The following MANF variants were observed in gnomAD, a reference collection of about 807,000 sequenced individuals.
MANF encodes mesencephalic astrocyte derived neurotrophic factor.
Under a neutral mutation model 19.1 loss-of-function variants are expected in MANF, and 9 were observed. That is an observed-to-expected ratio of 0.47 (90% CI 0.28 to 0.82). The LOEUF (loss-of-function observed/expected upper bound fraction) is 0.82. Among genes scored for constraint, MANF ranks in the 40% least tolerant of loss-of-function variants. The pLI, the probability that MANF is intolerant of heterozygous loss-of-function variation, is 0.10. For missense variants in MANF, 225 were observed against 226.7 expected (o/e 0.99, Z 0.05); for synonymous variants, 89 against 88.0 (o/e 1.01, Z -0.06).
chr3:51,389,112 TGA>T lies in MANF; in HGVS notation c.*25_*26del, dbSNP rs782535783. 3 of 1,593,082 alleles carry T rather than the reference TGA, an allele frequency of 1.9e-6. No homozygotes were observed. The highest frequency in any genetic ancestry group is 2.3e-5 in the South Asian group (2 of 86,606). The stretch of plus-strand genomic sequence containing the variant: ...TAGTCTGCTCAATCTCTGTTGCACC[TGA>T]GGGGGAAAAAACAGTTCAACTGCTT... On this transcript the variant is annotated 3_prime_UTR_variant, in exon 4 of 4. Transcript: ENST00000528157.
At chr3:51,385,992 C>T (rs1046266658) in intron 1 of MANF, 1 of 572,726 alleles carries the variant, frequency 1.7e-6, no homozygotes, top group Non-Finnish European at 3.1e-6. Context: ...TTGGGTGATG[C>T]TTGGTCCTTT....
In MANF at chr3:51,385,299, G is replaced by A; in HGVS notation, c.-44G>A. The stretch of plus-strand genomic sequence containing the variant: ...CGCGGCGGGTGCGGTTCAGTCGGTC[G>A]GCGGCGGCAGCGGAGGAGGAGGAGG... On this transcript the variant is annotated 5_prime_UTR_variant, in exon 1 of 4. Transcript: ENST00000528157. 2 of 1,183,416 alleles carry A rather than the reference G, an allele frequency of 1.7e-6. No individual in the cohort carries two copies. The highest frequency in any genetic ancestry group is 3.2e-5 in the East Asian group (1 of 31,446). The allele number at this position is 1,183,416 out of a possible 1,614,324, so 73.3% of individuals were successfully genotyped here.
Position 51,387,772 on chromosome 3 carries a change from C to G in MANF, c.258C>G (p.Thr86=). Residue 86 remains threonine (T), a synonymous_variant, in exon 3 of 4, where the codon ACC becomes ACG. Coordinates refer to ENST00000528157, the MANE Select transcript of MANF (RefSeq NM_006010.6). ...YYIGATDDAA[T]KIINEVSKPL... is the part of the protein sequence containing the mutation. The stretch of plus-strand genomic sequence containing the variant: ...TCGGGGCCACAGATGATGCAGCCAC[C>G]AAAATCATCAATGAGGTATCAAAGC... The G allele has an allele frequency of 6.2e-7, 1 of 1,612,650 alleles. No individual in the cohort carries two copies. Among genetic ancestry groups the G allele is most frequent in the Non-Finnish European group, 8.5e-7 (1 of 1,179,230 alleles).
Position 51,388,943 on chromosome 3 carries a change from C to A in MANF, c.403C>A (p.Leu135Ile). 6.3e-7 allele frequency: 1 copy of A among 1,590,642 alleles called. No individual in the cohort carries two copies. Among genetic ancestry groups the A allele is most frequent in the Non-Finnish European group, 8.6e-7 (1 of 1,168,152 alleles). ...CCTGAGCACAGTGGACCTGAAGAAG[C>A]TCCGAGTTAAAGAGCTGAAGAAGAT... ...IDLSTVDLKK[L>I]RVKELKKILD... is the part of the protein sequence containing the mutation. The change falls in exon 4 of 4, where the codon CTC becomes ATC. Residue 135 changes from leucine to isoleucine, a missense_variant. Coordinates refer to ENST00000528157, the MANE Select transcript of MANF (RefSeq NM_006010.6).
chr3:51,385,958 C>T (rs2088952672), intron 1 of MANF: 1 of 496,026 alleles, frequency 2.0e-6, no homozygotes, highest in Non-Finnish European at 3.6e-6. Context: ...ATGAAAGGAG[C>T]AGGGAGAAGT....
chr3:51,388,625 C>G (rs1254761675), intron 3 of MANF, among the ~76,000 whole-genome samples: 1 of 151,856 alleles, frequency 6.6e-6, no homozygotes, highest in African/African-American at 2.4e-5. Context: ...AGATGGGAAC[C>G]ATGTTTCTCC....
At position 51,386,222 on chromosome 3, in the gene MANF, C is replaced by G. The variant is rs782069103; in HGVS notation, c.109C>G (p.Leu37Val). The change falls in exon 2 of 4, where the codon CTG becomes GTG. Residue 37 changes from leucine to valine, a missense_variant. Coordinates refer to ENST00000528157, the MANE Select transcript of MANF (RefSeq NM_006010.6). Reference sequence around the variant, plus strand: ...CTCTTTTCCAGTTTGTATTTCTTATCTGGGAAGATTTTACCAGGACCTCAA... The same window carrying G: ...CTCTTTTCCAGTTTGTATTTCTTATGTGGGAAGATTTTACCAGGACCTCAA... ...PGDCEVCISYLGRFYQDLKDR... is the reference protein window; with the variant it reads ...PGDCEVCISYVGRFYQDLKDR... 6.2e-7 allele frequency: 1 copy of G among 1,613,572 alleles called. No individual in the cohort carries two copies. The highest frequency in any genetic ancestry group is 1.1e-5 in the South Asian group (1 of 91,000).
Position 51,389,234 on chromosome 3 carries a change from G to T in MANF, c.*145G>T. On this transcript the variant is annotated 3_prime_UTR_variant, in exon 4 of 4. Coordinates refer to ENST00000528157, the MANE Select transcript of MANF (RefSeq NM_006010.6). Reference sequence around the variant, plus strand: ...GCCTGGAGCTTTCCTGATGATGCTGGCCCTACAGTACCCCCATGAGGGGAT... The same window carrying T: ...GCCTGGAGCTTTCCTGATGATGCTGTCCCTACAGTACCCCCATGAGGGGAT... 3.0e-6 allele frequency: 2 copies of T among 664,862 alleles called. No individual in the cohort carries two copies. The highest frequency in any genetic ancestry group is 2.5e-6 in the Non-Finnish European group (1 of 399,018). 41.2% of individuals were successfully genotyped at this position (664,862 alleles called of 1,614,324 possible).
chr3:51,385,651 G>A lies in MANF; in HGVS notation c.94+215G>A, dbSNP rs1308182514. On this transcript the variant is annotated intron_variant, in intron 1 of 3. Transcript: ENST00000528157. ...GAAAACATTGGTCCGACGAAGAAAA[G>A]TTGAGACTAGATCCCGTTGAAAACT... 7.9e-6 allele frequency: 3 copies of A among 378,152 alleles called. No individual in the cohort carries two copies. In the Admixed American group the frequency reaches 1.4e-4, roughly 17 times the overall value. The allele number at this position is 378,152 out of a possible 1,614,324, so 23.4% of individuals were successfully genotyped here. A position where few individuals can be genotyped will look rare whatever the true frequency, so the allele number is the denominator to read the frequency against.
chr3:51,386,056 C>T (rs1413951786), intron 1 of MANF, 152 bp from the exon 2 acceptor site: 6 of 791,868 alleles, frequency 7.6e-6, no homozygotes, highest in South Asian at 3.6e-5. Context: ...GTTCTGTCTA[C>T]CTGTAGACAC....
intron 2 of MANF, 93 bp downstream of exon 2, chr3:51,386,428 G>C: frequency 7.1e-7 from 1 of 1,409,644 alleles, no homozygotes; most frequent in Non-Finnish European, 9.8e-7. Context: ...CCACCTCTCT[G>C]TTCAGGAAGC....
Position 51,387,728 on chromosome 3 carries a change from TTGCTCCAG to T in MANF, c.223-4_226del. 1 of 1,609,960 alleles carries T rather than the reference TTGCTCCAG, an allele frequency of 6.2e-7. No individual in the cohort carries two copies. The highest frequency in any genetic ancestry group is 8.5e-7 in the Non-Finnish European group (1 of 1,177,832). On this transcript the variant is annotated splice_acceptor_variant and splice_polypyrimidine_tract_variant and intron_variant, in intron 2 of 3. Transcript: ENST00000528157. LOFTEE classifies it high-confidence loss of function. ...ACCTCCTGAAGGCCATTGTCCTTTA[TTGCTCCAG>T]TGCTACTATATCGGGGCCACAGATG...
chr3:51,387,688 A>G (rs1383096515), intron 2 of MANF, 49 bp from the exon 3 acceptor site: 33 of 1,574,180 alleles, frequency 2.1e-5, no homozygotes, highest in Non-Finnish European at 2.8e-5. Context: ...TGTTTGGAGG[A>G]GATGGCTCTC....
chr3:51,386,811 A>ATAG (rs2088966454), intron 2 of MANF: 14 of 454,550 alleles, frequency 3.1e-5, no homozygotes, highest in South Asian at 2.0e-4. Flanking sequence ...TGCCTACAGG[A>ATAG]TAGGCAAGGG....
At chr3:51,387,166 A>G (rs531195258) in intron 2 of MANF, 2 of 323,302 alleles carry the variant, frequency 6.2e-6, no homozygotes, top group South Asian at 4.9e-5. Flanking sequence ...GCACAAAAAA[A>G]TTTTTAGGCT....
chr3:51,387,264 G>A (rs1461271590), intron 2 of MANF, among the ~76,000 whole-genome samples: 3 of 152,182 alleles, frequency 2.0e-5, no homozygotes, highest in African/African-American at 7.2e-5. Flanking sequence ...AGACCAGCCT[G>A]GCCAACATGG....
At position 51,386,292 on chromosome 3, in the gene MANF, T is replaced by G. The variant is rs782124245; in HGVS notation, c.179T>G (p.Leu60Arg). 2.5e-6 allele frequency: 4 copies of G among 1,613,858 alleles called. No individual in the cohort carries two copies. The highest frequency in any genetic ancestry group is 3.4e-6 in the Non-Finnish European group (4 of 1,179,888). Reference sequence around the variant, plus strand: ...TCACCAGCCACTATTGAAAACGAACTTATAAAGTTCTGCCGGGAAGCAAGA... The same window carrying G: ...TCACCAGCCACTATTGAAAACGAACGTATAAAGTTCTGCCGGGAAGCAAGA... The part of the protein sequence containing the change: ...TFSPATIENE[L>R]IKFCREARGK... The change falls in exon 2 of 4, where the codon CTT becomes CGT. Residue 60 changes from leucine to arginine, a missense_variant. Coordinates refer to ENST00000528157, the MANE Select transcript of MANF (RefSeq NM_006010.6).
chr3:51,386,796 CAG>C, intron 2 of MANF: 1 of 446,660 alleles, frequency 2.2e-6, no homozygotes, highest in East Asian at 7.0e-5. Context: ...GAGAAGGTGA[CAG>C]GGTGCCTACA....
rs1553621205 is a variant in MANF at position 51,389,094 on chromosome 3, C to T, written c.*5C>T. ...AGTGCACGGACCGATTTGTAGTCTG[C>T]TCAATCTCTGTTGCACCTGAGGGGG... On this transcript the variant is annotated 3_prime_UTR_variant, in exon 4 of 4. Transcript: ENST00000528157. 26 of 1,609,286 alleles carry T rather than the reference C, an allele frequency of 1.6e-5. No individual in the cohort carries two copies. Among genetic ancestry groups the T allele is most frequent in the Non-Finnish European group, 2.0e-5 (24 of 1,178,112 alleles).
Sources: gnomAD v4.1 joint callset for allele counts (sites outside exome capture counted in the v4.1 genomes callset) on GRCh38, gnomAD v4.1.1 for gene constraint, MANE v1.5 for transcripts, NCBI Gene and HGNC (gene_info 2026-07-23, HGNC 2026-07-21) for gene names.